ZFHX3: variants seen among roughly 807,000 people sequenced by gnomAD.
ZFHX3 encodes the protein zinc finger homeobox protein 3.
In ZFHX3, 42 loss-of-function variants were observed where a neutral mutation model predicts 279.1. The ratio of observed to expected loss-of-function variants is 0.15; its 90% confidence interval spans 0.12 to 0.19. The LOEUF (loss-of-function observed/expected upper bound fraction) is 0.19. Ranked by LOEUF, ZFHX3 falls within the 10% of genes least tolerant of loss-of-function variation. The pLI, the probability that ZFHX3 is intolerant of heterozygous loss-of-function variation, is 1.00. For missense variants in ZFHX3, 4,981 were observed against 4,754.0 expected (o/e 1.05, Z -1.40); for synonymous variants, 2,293 against 1,957.8 (o/e 1.17, Z -4.52).
chr16:73,640,019 C>G (rs1431126591), intron 2 of ZFHX3, among the ~76,000 whole-genome samples: 3 of 152,124 alleles, frequency 2.0e-5, no homozygotes, highest in Non-Finnish European at 2.9e-5. Context: ...GCATTTGGAG[C>G]TCTACGTTCT....
intron 5 of ZFHX3, among the ~76,000 whole-genome samples, chr16:73,222,874 A>G (rs1227127167): frequency 6.6e-6 from 1 of 152,196 alleles, no homozygotes; most frequent in Non-Finnish European, 1.5e-5. Flanking sequence ...AGATAGACAA[A>G]TAGATCACTG....
intron 1 of ZFHX3, among the ~76,000 whole-genome samples, chr16:73,871,953 G>A (rs774576963): frequency 5.3e-5 from 8 of 152,274 alleles, no homozygotes; most frequent in Non-Finnish European, 7.4e-5. Context: ...AAGAGTAATT[G>A]TACTTATGAA....
At chr16:73,602,357 A>G (rs1157692664) in intron 2 of ZFHX3, among the ~76,000 whole-genome samples, 2 of 152,158 alleles carry the variant, frequency 1.3e-5, no homozygotes, top group African/African-American at 2.4e-5. Context: ...CTACAGAACG[A>G]GCAGCTTCCA....
At chr16:72,962,592 T>A (rs180889411) in intron 1 of ZFHX3, among the ~76,000 whole-genome samples, 5 of 152,344 alleles carry the variant, frequency 3.3e-5, no homozygotes, top group Admixed American at 2.6e-4. Flanking sequence ...ACAGGCCCGT[T>A]TGCAGCCTTG....
In ZFHX3 at chr16:72,819,704, T is replaced by C. The variant is rs368535358; in HGVS notation, c.3530-7666A>G. Among the ~76,000 whole-genome samples, 11 of 152,312 alleles carry C rather than the reference T, an allele frequency of 7.2e-5. No homozygotes were observed. The South Asian group carries it at 2.1e-3, about 29-fold the overall frequency. On this transcript the variant is annotated intron_variant, in intron 5 of 9. Transcript: ENST00000268489. ...TCCACTTTAAATGGCTCTGATGACA[T>C]GATACTCTCATCTAAACTCAGGGAT... is the stretch of plus-strand genomic sequence containing the variant.
intron 3 of ZFHX3, among the ~76,000 whole-genome samples, chr16:73,421,890 T>C (rs1164028151): frequency 6.6e-6 from 1 of 152,120 alleles, no homozygotes; most frequent in Non-Finnish European, 1.5e-5. Context: ...AAGCCCTAGA[T>C]TGCATAGAAC....
chr16:73,653,927 G>C (rs2052696096), intron 2 of ZFHX3, among the ~76,000 whole-genome samples: 1 of 152,212 alleles, frequency 6.6e-6, no homozygotes, highest in Non-Finnish European at 1.5e-5. Context: ...GCTCACGCCT[G>C]TAATCCCAGC....
intron 8 of ZFHX3, among the ~76,000 whole-genome samples, chr16:73,088,769 C>G (rs1555547674): frequency 6.6e-6 from 1 of 152,178 alleles, no homozygotes; most frequent in Non-Finnish European, 1.5e-5. Flanking sequence ...TGTCAGAAAG[C>G]AGACCACTGA....
rs60993308 is a variant in ZFHX3, at chr16:73,156,231, C to CAA, written c.-1103-12402_-1103-12401dup. Among the ~76,000 whole-genome samples the CAA allele has an allele frequency of 6.3e-4, 56 of 88,420 alleles. 1 individual carries two copies. Among genetic ancestry groups the CAA allele is most frequent in the Non-Finnish European group, 8.1e-4 (36 of 44,426 alleles). The allele number at this position is 88,420 out of a possible 152,430, so 58.0% of individuals were successfully genotyped here. ...TGGGCGACAGAGTGAGACTCCCTCTCAAAAAAAAAAAAAAAAAAAAGACTA... is the reference window on the plus strand; with the variant it reads ...TGGGCGACAGAGTGAGACTCCCTCTCAAAAAAAAAAAAAAAAAAAAAAGACTA... On this transcript the variant is annotated intron_variant, in intron 5 of 17. Transcript: ENST00000641206.
chr16:72,902,519 G>A (rs569325233), intron 3 of ZFHX3, among the ~76,000 whole-genome samples: 2 of 152,338 alleles, frequency 1.3e-5, no homozygotes, highest in South Asian at 2.1e-4. Flanking sequence ...CAAGGCACCC[G>A]TCCCTGGGGA....
At chr16:73,340,059 G>A (rs186473951) in intron 3 of ZFHX3, among the ~76,000 whole-genome samples, 3 of 152,310 alleles carry the variant, frequency 2.0e-5, no homozygotes, top group Admixed American at 2.0e-4. Context: ...AGGGAGGTGA[G>A]CAAGTAGAAC....
At chr16:72,922,933 C>A (rs1258825509) in intron 3 of ZFHX3, among the ~76,000 whole-genome samples, 3 of 152,074 alleles carry the variant, frequency 2.0e-5, no homozygotes, top group African/African-American at 7.2e-5. Context: ...CAGATTAGAG[C>A]ACTAAGTCCA....
intron 1 of ZFHX3, among the ~76,000 whole-genome samples, chr16:73,801,761 T>C (rs567989189): frequency 6.6e-6 from 1 of 152,330 alleles, no homozygotes; most frequent in Admixed American, 6.5e-5. Flanking sequence ...ACCCTGTTTT[T>C]ATATGCGAGT....
intron 1 of ZFHX3, among the ~76,000 whole-genome samples, chr16:73,742,916 A>T (rs558856110): frequency 6.6e-6 from 1 of 152,316 alleles, no homozygotes; most frequent in South Asian, 2.1e-4. Context: ...TCTAATTACA[A>T]ATGGAAAAAG....
chr16:73,852,965 A>AAAAC lies in ZFHX3; in HGVS notation c.-1608+38682_-1608+38685dup, dbSNP rs60093693. Reference sequence around the variant, plus strand: ...AAGGAACTCAAACAGCTCAACAAGTAAAACAAACAAACAAACAAACAAACA... The same window carrying AAAAC: ...AAGGAACTCAAACAGCTCAACAAGTAAAACAAACAAACAAACAAACAAACAAACA... On this transcript the variant is annotated intron_variant, in intron 1 of 17. Transcript: ENST00000641206. Among the ~76,000 whole-genome samples, 1,352 of 151,334 alleles carry AAAAC rather than the reference A, an allele frequency of 8.9e-3. 12 individuals are homozygous for AAAAC. Among genetic ancestry groups the AAAAC allele is most frequent in the African/African-American group, 0.026 (1,079 of 41,230 alleles).
chr16:72,787,250 C>G lies in ZFHX3; in HGVS notation c.11026G>C (p.Ala3676Pro). 1 of 1,614,098 alleles carries G rather than the reference C, an allele frequency of 6.2e-7. No individual in the cohort carries two copies. The highest frequency in any genetic ancestry group is 8.5e-7 in the Non-Finnish European group (1 of 1,180,030). ...TCTTTGGGACCCTCCACCGGGCTCG[C>G]CGGTCCGTCGGACTTTTGGCTGAGA... ...TDLSQKSDGP[A>P]SPVEGPKDPS... Residue 3676 changes from alanine to proline, a missense_variant, in exon 10 of 10, where the codon GCG (alanine) becomes CCG (proline). Around this residue, in one of 7 missense-constraint regions of ZFHX3, gnomAD observed 1,034 missense variants for 786.0 expected, o/e 1.32. Coordinates refer to ENST00000268489, the MANE Select transcript of ZFHX3 (RefSeq NM_006885.4).
At chr16:73,080,550 T>G (rs368819027) in intron 8 of ZFHX3, among the ~76,000 whole-genome samples, 28 of 152,270 alleles carry the variant, frequency 1.8e-4, no homozygotes, top group Admixed American at 1.1e-3. Flanking sequence ...AATCCACATT[T>G]TAAACATTTA....
chr16:72,997,140 G>C (rs1713283889), intron 1 of ZFHX3, among the ~76,000 whole-genome samples: 2 of 152,226 alleles, frequency 1.3e-5, no homozygotes. Context: ...CACTGCACAA[G>C]TGTTCCTGCA....
chr16:73,808,787 G>A (rs763349137), intron 1 of ZFHX3, among the ~76,000 whole-genome samples: 2 of 152,158 alleles, frequency 1.3e-5, no homozygotes, highest in South Asian at 2.1e-4. Flanking sequence ...AAAGAATTAA[G>A]AGTGGAAAGG....
Sources: allele counts gnomAD v4.1 joint callset (sites outside exome capture counted in the v4.1 genomes callset), GRCh38; gene constraint gnomAD v4.1.1; regional missense constraint gnomAD v4.1.1; transcripts MANE v1.5; gene names NCBI Gene and HGNC (gene_info 2026-07-23, HGNC 2026-07-21).